TAOK3: variants seen among roughly 807,000 people sequenced by gnomAD.
TAOK3 encodes the protein serine/threonine-protein kinase TAO3.
Under a neutral mutation model 120.4 loss-of-function variants are expected in TAOK3, and 40 were observed. The ratio of observed to expected loss-of-function variants is 0.33; its 90% CI spans 0.26 to 0.43. The LOEUF is 0.43. Ranked by LOEUF, TAOK3 falls within the 20% of genes least tolerant of loss-of-function variation. The pLI, the probability that TAOK3 is intolerant of heterozygous loss-of-function variation, is 1.00. For synonymous variants in TAOK3, 355 were observed against 387.5 expected, an observed-to-expected ratio of 0.92 and a Z score of 0.99; for missense variants, 821 against 1,112.1, an observed-to-expected ratio of 0.74 and a Z score of 3.72.
rs184349912 is a variant in TAOK3, at chr12:118,205,669, G to A, written c.820-4206C>T. 9.9e-4 allele frequency among the ~76,000 whole-genome samples: 151 copies of A among 152,212 alleles called. 2 individuals carry two copies. The East Asian group carries it at 0.019, about 19-fold the overall frequency. The stretch of plus-strand genomic sequence containing the variant: ...TCTATCACCCAGGCTAGAGTGCAGT[G>A]GTGCAATCTCAGCTCGCTGCAAACT... On this transcript the variant is annotated intron_variant, in intron 11 of 20. Transcript: ENST00000392533.
chr12:118,191,068 A>C (rs942537679), intron 13 of TAOK3, among the ~76,000 whole-genome samples: 9 of 152,292 alleles, frequency 5.9e-5, no homozygotes, highest in Admixed American at 4.6e-4. Context: ...ATCCATGACC[A>C]CTTGAAATTT....
At chr12:118,214,750 T>C (rs898548670) in intron 9 of TAOK3, among the ~76,000 whole-genome samples, 11 of 145,658 alleles carry the variant, frequency 7.6e-5, no homozygotes, top group South Asian at 2.2e-4. Flanking sequence ...TTCTTTCTTT[T>C]TTTTTTTTTT....
In TAOK3 at chr12:118,285,848, G is replaced by T. The variant is rs139991333; in HGVS notation, c.-193-19089C>A. 7.1e-3 allele frequency among the ~76,000 whole-genome samples: 1,081 copies of T among 152,276 alleles called. 7 individuals are homozygous for T. The highest frequency in any genetic ancestry group is 0.017 in the Middle Eastern group (5 of 294). ...GGTTTTGTACATTCTAGGGAGAAATGAGACATCAATCAACATATGCAAGAT... is the reference window on the plus strand; with the variant it reads ...GGTTTTGTACATTCTAGGGAGAAATTAGACATCAATCAACATATGCAAGAT... On this transcript the variant is annotated intron_variant, in intron 1 of 20. Coordinates refer to ENST00000392533, the MANE Select transcript of TAOK3 (RefSeq NM_016281.4).
intron 1 of TAOK3, among the ~76,000 whole-genome samples, chr12:118,341,788 C>T (rs1313383666): frequency 2.0e-5 from 3 of 152,216 alleles, no homozygotes; most frequent in African/African-American, 7.2e-5. Context: ...CTTTGGGAGG[C>T]CTAGGCAGGT....
At chr12:118,242,471 A>G (rs772260380) in intron 5 of TAOK3, among the ~76,000 whole-genome samples, 3 of 152,230 alleles carry the variant, frequency 2.0e-5, no homozygotes, top group Non-Finnish European at 4.4e-5. Flanking sequence ...GAGTTTAAGT[A>G]GGAATGTGCA....
chr12:118,282,964 A>G (rs1387073357), intron 1 of TAOK3, among the ~76,000 whole-genome samples: 2 of 152,212 alleles, frequency 1.3e-5, no homozygotes, highest in Non-Finnish European at 2.9e-5. Context: ...CAACCACACT[A>G]TAAATAACTT....
intron 1 of TAOK3, among the ~76,000 whole-genome samples, chr12:118,358,244 T>A (rs1407770609): frequency 6.6e-6 from 1 of 152,254 alleles, no homozygotes; most frequent in Non-Finnish European, 1.5e-5. Flanking sequence ...AAATTGTTAA[T>A]AACCGAATGG....
At chr12:118,304,084 TC>T (rs1179935647) in intron 1 of TAOK3, among the ~76,000 whole-genome samples, 3 of 152,244 alleles carry the variant, frequency 2.0e-5, no homozygotes, top group Non-Finnish European at 4.4e-5. Context: ...GAAGTCATTA[TC>T]TATACTACTT....
chr12:118,158,734 G>T (rs1299569982), intron 19 of TAOK3, among the ~76,000 whole-genome samples: 2 of 152,188 alleles, frequency 1.3e-5, no homozygotes, highest in East Asian at 3.9e-4. Context: ...ATCTGATCCA[G>T]TTATGCTTTC....
At chr12:118,336,817 A>C (rs1033065876) in intron 1 of TAOK3, among the ~76,000 whole-genome samples, 1 of 152,254 alleles carries the variant, frequency 6.6e-6, no homozygotes, top group East Asian at 1.9e-4. Flanking sequence ...CACACCTATA[A>C]TACCAGCACT....
intron 1 of TAOK3, among the ~76,000 whole-genome samples, chr12:118,365,303 T>C (rs1158568780): frequency 2.0e-5 from 3 of 152,164 alleles, no homozygotes; most frequent in African/African-American, 7.2e-5. Flanking sequence ...GCTTGATCAT[T>C]GCTCATGCAA....
intron 1 of TAOK3, among the ~76,000 whole-genome samples, chr12:118,285,349 ATTTAT>A (rs2042230274): frequency 7.3e-6 from 1 of 136,762 alleles, no homozygotes; most frequent in Non-Finnish European, 1.6e-5. Context: ...GGCCTAATCT[ATTTAT>A]TTTATTTTAT....
At chr12:118,237,489 C>G (rs936875180) in intron 7 of TAOK3, among the ~76,000 whole-genome samples, 7 of 152,042 alleles carry the variant, frequency 4.6e-5, no homozygotes, top group African/African-American at 1.4e-4. Context: ...GAGAAAAGCC[C>G]TAGAATAGGA....
intron 11 of TAOK3, among the ~76,000 whole-genome samples, chr12:118,210,347 C>T (rs1417711824): frequency 6.6e-6 from 1 of 152,176 alleles, no homozygotes; most frequent in African/African-American, 2.4e-5. Flanking sequence ...AACATCTTGG[C>T]TGGCTCACAA....
At chr12:118,329,190 C>T (rs1216568657) in intron 1 of TAOK3, among the ~76,000 whole-genome samples, 1 of 152,116 alleles carries the variant, frequency 6.6e-6, no homozygotes, top group Non-Finnish European at 1.5e-5. Context: ...AACTGACAGA[C>T]TGGATAAGAG....
intron 4 of TAOK3, 59 bp downstream of exon 4, chr12:118,244,835 T>G: frequency 7.3e-7 from 1 of 1,366,048 alleles, no homozygotes; most frequent in Non-Finnish European, 1.0e-6. Context: ...GCCAGAATTT[T>G]GTTAATTTCA....
chr12:118,198,377 TTTC>T lies in TAOK3; in HGVS notation c.1194+671_1194+673del, dbSNP rs202059675. 933 of 133,854 alleles carry T rather than the reference TTTC, an allele frequency of 7.0e-3. 85 individuals are homozygous for T. Among genetic ancestry groups the T allele is most frequent in the Middle Eastern group, 0.018 (5 of 272 alleles). The allele number at this position is 133,854 out of a possible 1,614,324, so 8.3% of individuals were successfully genotyped here. ...CTTTTACCCGAGGCAAGTTTCTTTC[TTTC>T]TTCTTCTTCTTTTTTTTTTTTTTTT... On this transcript the variant is annotated intron_variant, in intron 13 of 20. Transcript: ENST00000392533.
chr12:118,304,745 A>C (rs2042989744), intron 1 of TAOK3, among the ~76,000 whole-genome samples: 1 of 152,194 alleles, frequency 6.6e-6, no homozygotes. Flanking sequence ...ATGTTCCTAA[A>C]TCTTGATATG....
chr12:118,287,765 T>A, intron 1 of TAOK3, among the ~76,000 whole-genome samples: 1 of 152,108 alleles, frequency 6.6e-6, no homozygotes, highest in Non-Finnish European at 1.5e-5. Flanking sequence ...ACACACAACA[T>A]ACTCTGAGTT....
Sources: allele counts gnomAD v4.1 joint callset (sites outside exome capture counted in the v4.1 genomes callset), GRCh38; gene constraint gnomAD v4.1.1; transcripts MANE v1.5; gene names NCBI Gene and HGNC (gene_info 2026-07-23, HGNC 2026-07-21).